The following CR1L variants were observed in gnomAD, a reference collection of about 807,000 sequenced individuals.
The protein encoded by CR1L is complement C3b/C4b receptor 1 like.
A neutral mutation model predicts 62.3 loss-of-function variants in CR1L; 59 were observed. The ratio of observed to expected loss-of-function variants is 0.95; its 90% CI spans 0.77 to 1.18. The LOEUF (loss-of-function observed/expected upper bound fraction) is 1.18, where lower values mean the gene tolerates loss of function less well. Among genes scored for constraint, CR1L ranks in the 50% most tolerant of loss-of-function variants. The probability of loss-of-function intolerance (pLI) is 0.00; values close to 1 mark genes in which losing one functional copy is unlikely to be tolerated. For synonymous variants in CR1L, 279 were observed against 248.7 expected, an observed-to-expected ratio of 1.12 and a Z score of -1.15; for missense variants, 700 against 702.8, an observed-to-expected ratio of 1.00 and a Z score of 0.04.
rs746725994 is a variant in CR1L, at chr1:207,645,377, CT to C, written c.97+48del. 3.1e-6 allele frequency: 5 copies of C among 1,595,668 alleles called. 1 individual carries two copies. The South Asian group carries it at 5.5e-5, about 18-fold the overall frequency. ...GCGCGTCCGCGGCGAGGCTAGAGCT[CT>C]GCTCAGTCAGTCGGGCAGGAGGCGC... On this transcript the variant is annotated intron_variant, in intron 1 of 11. Coordinates refer to ENST00000508064, the MANE Select transcript of CR1L (RefSeq NM_175710.2).
chr1:207,711,915 A>G (rs1236297485), intron 10 of CR1L, among the ~76,000 whole-genome samples: 1 of 151,522 alleles, frequency 6.6e-6, no homozygotes, highest in East Asian at 1.9e-4. Flanking sequence ...AAAAAAACAC[A>G]AAAAACAAGA....
At chr1:207,679,248 C>A (rs1663757930) in intron 3 of CR1L, among the ~76,000 whole-genome samples, 1 of 150,240 alleles carries the variant, frequency 6.7e-6, no homozygotes, top group African/African-American at 2.5e-5. Flanking sequence ...CATGATCCGC[C>A]CACCTCCCGG....
At chr1:207,646,263 TAAA>T (rs1425481348) in intron 1 of CR1L, among the ~76,000 whole-genome samples, 1 of 152,112 alleles carries the variant, frequency 6.6e-6, no homozygotes, top group Non-Finnish European at 1.5e-5. Context: ...TGAAGCAACC[TAAA>T]AAACACTGGT....
At chr1:207,718,281 A>G (rs1654052697) in intron 11 of CR1L, among the ~76,000 whole-genome samples, 1 of 152,226 alleles carries the variant, frequency 6.6e-6, no homozygotes, top group South Asian at 2.1e-4. Flanking sequence ...CTTAGCCTTC[A>G]TAGCTCCTTC....
intron 5 of CR1L, 74 bp downstream of exon 5, chr1:207,694,825 T>C: frequency 6.2e-7 from 1 of 1,606,690 alleles, no homozygotes; most frequent in Non-Finnish European, 8.5e-7. Flanking sequence ...TTAGTATTTG[T>C]TCAGGGGGAG....
At chr1:207,664,789 A>T (rs1004904243) in intron 1 of CR1L, among the ~76,000 whole-genome samples, 1 of 152,214 alleles carries the variant, frequency 6.6e-6, no homozygotes, top group African/African-American at 2.4e-5. Context: ...AAAATTCCTC[A>T]TGGGATTGTC....
intron 9 of CR1L, among the ~76,000 whole-genome samples, chr1:207,707,967 T>A (rs1664295120): frequency 6.6e-6 from 1 of 152,186 alleles, no homozygotes. Context: ...TATTAAGAAG[T>A]AAAGTGGACC....
At chr1:207,655,189 G>C (rs1271924204) in intron 1 of CR1L, 4 of 602,270 alleles carry the variant, frequency 6.6e-6, no homozygotes, top group Non-Finnish European at 1.2e-5. Context: ...TTCCCATTTA[G>C]TTATTACTTA....
In CR1L at chr1:207,717,510, A is replaced by T; in HGVS notation, c.1461A>T (p.Thr487=). The part of the protein sequence containing the change: ...NPPAILNGRH[T]GTPLGDIPYG... ...CAGCTATCCTTAATGGGAGACACAC[A>T]GGAACTCCCCTTGGAGATATTCCCT... Residue 487 remains threonine, a synonymous_variant, in exon 11 of 12, where the codon ACA becomes ACT. Coordinates refer to ENST00000508064, the MANE Select transcript of CR1L (RefSeq NM_175710.2). 1.2e-5 allele frequency: 20 copies of T among 1,613,790 alleles called. No individual in the cohort carries two copies. The highest frequency in any genetic ancestry group is 1.7e-5 in the Non-Finnish European group (20 of 1,179,682).
At chr1:207,648,373 A>G (rs75352843) in intron 1 of CR1L, among the ~76,000 whole-genome samples, 4,080 of 152,046 alleles carry the variant, frequency 0.027, 192 homozygotes, top group African/African-American at 0.093. Context: ...TTTGAGGTTG[A>G]TAGGGTTAAA....
At chr1:207,650,212 A>G (rs1663201784) in intron 1 of CR1L, among the ~76,000 whole-genome samples, 2 of 152,218 alleles carry the variant, frequency 1.3e-5, no homozygotes, top group Admixed American at 1.3e-4. Context: ...ATGAAGTCAC[A>G]GAAGTGTATA....
At chr1:207,670,603 C>T (rs530001305) in intron 1 of CR1L, among the ~76,000 whole-genome samples, 1 of 151,006 alleles carries the variant, frequency 6.6e-6, no homozygotes, top group Non-Finnish European at 1.5e-5. Context: ...CAGGGTTCGT[C>T]CTTCTCTGCC....
chr1:207,661,486 T>C (rs1248339884), intron 1 of CR1L, among the ~76,000 whole-genome samples: 4 of 152,192 alleles, frequency 2.6e-5, no homozygotes, highest in Non-Finnish European at 5.9e-5. Context: ...TTTTTTGTTT[T>C]CCATTTGCTT....
intron 1 of CR1L, among the ~76,000 whole-genome samples, chr1:207,660,639 T>C (rs1445104873): frequency 6.6e-6 from 1 of 152,238 alleles, no homozygotes; most frequent in Non-Finnish European, 1.5e-5. Flanking sequence ...TATGTCTCTA[T>C]TTCCTTCAGT....
intron 1 of CR1L, among the ~76,000 whole-genome samples, chr1:207,672,624 C>G (rs913700449): frequency 6.6e-6 from 1 of 152,090 alleles, no homozygotes; most frequent in African/African-American, 2.4e-5. Context: ...AAGACATTCT[C>G]TGGCTCACAT....
In CR1L at chr1:207,694,752, G is replaced by T. The variant is rs749274623; in HGVS notation, c.862+1G>T. On this transcript the variant is annotated splice_donor_variant, in intron 5 of 11. Coordinates refer to ENST00000508064, the MANE Select transcript of CR1L (RefSeq NM_175710.2). LOFTEE classifies it high-confidence loss of function. ...CCAGAGTTACCAAGCTGCTCCAGGG[G>T]TGAGTCTGACTGAGGCCTAGAAGGG... The T allele has an allele frequency of 1.9e-5, 30 of 1,611,770 alleles. No individual in the cohort carries two copies. The South Asian group carries it at 2.6e-4, about 14-fold the overall frequency.
chr1:207,653,281 TG>T (rs1663257446), intron 1 of CR1L: 1 of 153,518 alleles, frequency 6.5e-6, no homozygotes, highest in African/African-American at 2.4e-5. Context: ...TATTTAATTT[TG>T]CTTTCTATGT....
At chr1:207,649,331 G>A (rs1231227236) in intron 1 of CR1L, among the ~76,000 whole-genome samples, 1 of 152,194 alleles carries the variant, frequency 6.6e-6, no homozygotes, top group Non-Finnish European at 1.5e-5. Flanking sequence ...AGACAACAAA[G>A]AAGGGAGAGG....
intron 4 of CR1L, among the ~76,000 whole-genome samples, chr1:207,687,041 ACTAAGAC>A (rs1663921971): frequency 6.6e-6 from 1 of 152,198 alleles, no homozygotes; most frequent in Non-Finnish European, 1.5e-5. Context: ...GCCCAAATAG[ACTAAGAC>A]ATTGGGCAAC....
Sources: allele counts gnomAD v4.1 joint callset (sites outside exome capture counted in the v4.1 genomes callset), GRCh38; gene constraint gnomAD v4.1.1; transcripts MANE v1.5; gene names NCBI Gene and HGNC (gene_info 2026-07-23, HGNC 2026-07-21).